MEGF11: variants seen among roughly 807,000 people sequenced by gnomAD.
The protein encoded by MEGF11 is multiple epidermal growth factor-like domains protein 11.
Under a neutral mutation model 146.6 loss-of-function variants are expected in MEGF11, and 126 were observed. The observed-to-expected ratio is 0.86, with a 90% confidence interval of 0.74 to 1.00. The LOEUF (loss-of-function observed/expected upper bound fraction) is 1.00. Among genes scored for constraint, MEGF11 ranks in the 50% least tolerant of loss-of-function variants. The pLI, the probability that MEGF11 is intolerant of heterozygous loss-of-function variation, is 0.00. For synonymous variants in MEGF11, 532 were observed against 583.4 expected (o/e 0.91, Z 1.27); for missense variants, 1,509 against 1,521.2 (o/e 0.99, Z 0.13).
At chr15:66,072,301 G>T (rs2085401913) in intron 5 of MEGF11, among the ~76,000 whole-genome samples, 1 of 152,164 alleles carries the variant, frequency 6.6e-6, no homozygotes. Context: ...TTTTGGCCTG[G>T]TGGCTCCTCC....
At chr15:66,160,242 C>CT (rs2089901924) in intron 1 of MEGF11, among the ~76,000 whole-genome samples, 2 of 133,408 alleles carry the variant, frequency 1.5e-5, no homozygotes, top group African/African-American at 2.9e-5. Flanking sequence ...AAGGAAAAGC[C>CT]CTCTCTCTCT....
chr15:65,998,964 A>G (rs993853898), intron 5 of MEGF11, among the ~76,000 whole-genome samples: 1 of 152,006 alleles, frequency 6.6e-6, no homozygotes, highest in African/African-American at 2.4e-5. Context: ...GAAGTGGCCC[A>G]GGCCTCAGCA....
At chr15:66,115,073 T>C (rs1268440566) in intron 4 of MEGF11, among the ~76,000 whole-genome samples, 1 of 152,202 alleles carries the variant, frequency 6.6e-6, no homozygotes, top group Non-Finnish European at 1.5e-5. Flanking sequence ...CCGGGCCTGC[T>C]CCTTGTCAGC....
Position 65,922,964 on chromosome 15 carries a change from G to T in MEGF11, c.1681C>A (p.Arg561Ser). The T allele has an allele frequency of 6.2e-7, 1 of 1,612,312 alleles. No homozygotes were observed. Among genetic ancestry groups the T allele is most frequent in the Non-Finnish European group, 8.5e-7 (1 of 1,179,460 alleles). The change falls in exon 14 of 26, where the codon CGC becomes AGC. Residue 561 changes from arginine (R) to serine (S), a missense_variant. Arg to Ser is a moderately radical substitution (Grantham distance 110, BLOSUM62 -1). Coordinates refer to ENST00000395614, the MANE Select transcript of MEGF11 (RefSeq NM_001385028.1). ...CCAGGTGGACACGTGCTGTCACAGC[G>T]GATGCCTGTGGGCCAGAGGCAGACT... is the stretch of plus-strand genomic sequence containing the variant. Reference protein sequence around the residue: ...CCCLAGWTGIRCDSTCPPGRW... With the variant: ...CCCLAGWTGISCDSTCPPGRW...
chr15:66,116,677 G>A (rs1206779500), intron 4 of MEGF11, among the ~76,000 whole-genome samples: 4 of 152,190 alleles, frequency 2.6e-5, no homozygotes, highest in African/African-American at 9.7e-5. Context: ...GTGTTGGTAT[G>A]TTTATATAGG....
intron 4 of MEGF11, among the ~76,000 whole-genome samples, chr15:66,103,197 A>G (rs1377463110): frequency 2.0e-5 from 3 of 152,246 alleles, no homozygotes; most frequent in African/African-American, 4.8e-5. Context: ...ATATCCCATC[A>G]GCTAAAATCT....
chr15:66,142,409 C>T (rs1297803754), intron 1 of MEGF11, among the ~76,000 whole-genome samples: 1 of 152,204 alleles, frequency 6.6e-6, no homozygotes, highest in Non-Finnish European at 1.5e-5. Flanking sequence ...GACCATTCCA[C>T]AAAGTGGAGA....
intron 5 of MEGF11, among the ~76,000 whole-genome samples, chr15:66,054,931 T>C (rs1597034920): frequency 6.6e-6 from 1 of 152,164 alleles, no homozygotes; most frequent in African/African-American, 2.4e-5. Flanking sequence ...AGAAAGTATA[T>C]GTCTACATCT....
chr15:66,082,336 G>C (rs1047709245), intron 5 of MEGF11, among the ~76,000 whole-genome samples: 5 of 140,046 alleles, frequency 3.6e-5, no homozygotes, highest in African/African-American at 1.3e-4. Flanking sequence ...GCCTGTAATT[G>C]CAACACTTGG....
At chr15:65,927,379 T>C (rs2079407551) in intron 13 of MEGF11, among the ~76,000 whole-genome samples, 1 of 152,184 alleles carries the variant, frequency 6.6e-6, no homozygotes, top group East Asian at 1.9e-4. Flanking sequence ...GTTATCCATA[T>C]CTCAGTGTGT....
At chr15:66,218,575 G>A (rs1220843686) in intron 1 of MEGF11, among the ~76,000 whole-genome samples, 1 of 152,062 alleles carries the variant, frequency 6.6e-6, no homozygotes, top group Non-Finnish European at 1.5e-5. Context: ...CGGGGATGAA[G>A]GTTTTACTGC....
At chr15:66,224,640 T>TTA (rs72390505) in intron 1 of MEGF11, among the ~76,000 whole-genome samples, 69,656 of 134,154 alleles carry the variant, frequency 0.52, 17,012 homozygotes, top group Non-Finnish European at 0.59. Context: ...TTATTACTTA[T>TTA]TATATTATAT....
At chr15:65,927,462 TAA>T (rs1388438108) in intron 13 of MEGF11, among the ~76,000 whole-genome samples, 1 of 152,230 alleles carries the variant, frequency 6.6e-6, no homozygotes, top group African/African-American at 2.4e-5. Context: ...GGGAGGCAGA[TAA>T]TAAACAGTTA....
chr15:65,918,111 G>A lies in MEGF11; in HGVS notation c.1958-17C>T, dbSNP rs2141232922. The stretch of plus-strand genomic sequence containing the variant: ...CAGCACACACTGTGGGCACAGGGCA[G>A]CCTGGCACCCATCCTCCCACCTGTG... On this transcript the variant is annotated splice_polypyrimidine_tract_variant and intron_variant, in intron 15 of 25. Transcript: ENST00000395614. The A allele has an allele frequency of 6.2e-7, 1 of 1,613,078 alleles. No individual in the cohort carries two copies. Among genetic ancestry groups the A allele is most frequent in the Non-Finnish European group, 8.5e-7 (1 of 1,179,802 alleles).
At chr15:65,930,779 G>A (rs1409633829) in intron 11 of MEGF11, 44 bp downstream of exon 11, 2 of 1,537,570 alleles carry the variant, frequency 1.3e-6, no homozygotes, top group East Asian at 2.4e-5. Flanking sequence ...CCTGGGGAAT[G>A]TGCTCATATG....
At chr15:66,023,140 C>CAAAAAAAAAAAAAAAAAAA (rs375962533) in intron 5 of MEGF11, among the ~76,000 whole-genome samples, 12 of 123,680 alleles carry the variant, frequency 9.7e-5, no homozygotes, top group Admixed American at 1.7e-4. Context: ...GACTCCATCT[C>CAAAAAAAAAAAAAAAAAAA]AAAAAAAAAA....
intron 4 of MEGF11, among the ~76,000 whole-genome samples, chr15:66,104,684 A>G (rs6494552): frequency 0.44 from 67,513 of 152,072 alleles, 15,158 homozygotes; most frequent in South Asian, 0.55. Flanking sequence ...GTCTTCTTAC[A>G]TTACAGATAA....
intron 5 of MEGF11, among the ~76,000 whole-genome samples, chr15:66,005,392 G>T (rs1013830935): frequency 6.6e-6 from 1 of 152,180 alleles, no homozygotes; most frequent in Admixed American, 6.5e-5. Context: ...CATTTTACCA[G>T]GTGATAGAAT....
chr15:66,153,668 C>T lies in MEGF11; in HGVS notation c.-8-25257G>A, dbSNP rs150198341. ...TTCCTGCTCCCTTTGGCCCTCATACCTGACACCCAGGTGCGCCCAGACACA... is the reference window on the plus strand; with the variant it reads ...TTCCTGCTCCCTTTGGCCCTCATACTTGACACCCAGGTGCGCCCAGACACA... On this transcript the variant is annotated intron_variant, in intron 1 of 25. Transcript: ENST00000395614. Among the ~76,000 whole-genome samples the T allele has an allele frequency of 1.6e-3, 245 of 152,344 alleles. 1 individual carries two copies. In the Middle Eastern group the frequency reaches 0.017, roughly 11 times the overall value.
Sources: gnomAD v4.1 joint callset for allele counts (sites outside exome capture counted in the v4.1 genomes callset) on GRCh38, gnomAD v4.1.1 for gene constraint, MANE v1.5 for transcripts, NCBI Gene and HGNC (gene_info 2026-07-23, HGNC 2026-07-21) for gene names.